SLC9C2: variants seen among roughly 807,000 people sequenced by gnomAD.
The protein encoded by SLC9C2 is solute carrier family 9 member C2 (putative).
A neutral mutation model predicts 140.2 loss-of-function variants in SLC9C2; 75 were observed. The observed-to-expected ratio is 0.53, with a 90% CI of 0.44 to 0.65. The LOEUF (loss-of-function observed/expected upper bound fraction) is 0.65. SLC9C2 is among the 30% of genes least tolerant of loss of function. SLC9C2 has a pLI of 0.00. For synonymous variants in SLC9C2, 375 were observed against 420.9 expected, an observed-to-expected ratio of 0.89 and a Z score of 1.34; for missense variants, 1,074 against 1,331.8, an observed-to-expected ratio of 0.81 and a Z score of 3.01.
intron 13 of SLC9C2, among the ~76,000 whole-genome samples, chr1:173,541,496 G>A (rs1355729238): frequency 6.6e-6 from 1 of 152,190 alleles, no homozygotes; most frequent in Non-Finnish European, 1.5e-5. Context: ...ACTCAGCTCT[G>A]CACCAAGTGG....
chr1:173,535,666 T>C (rs965356325), intron 15 of SLC9C2, among the ~76,000 whole-genome samples, 164 bp downstream of exon 15: 26 of 152,132 alleles, frequency 1.7e-4, no homozygotes, highest in Admixed American at 1.7e-3. Flanking sequence ...GTCAATGAAG[T>C]TGCTAAAATA....
chr1:173,536,093 C>T lies in SLC9C2; in HGVS notation c.1656-144G>A. The T allele has an allele frequency of 7.9e-6, 5 of 635,198 alleles. No individual in the cohort carries two copies. The South Asian group carries it at 8.7e-5, about 11-fold the overall frequency. 39.3% of individuals were successfully genotyped at this position (635,198 alleles called of 1,614,324 possible). On this transcript the variant is annotated intron_variant, in intron 14 of 27. Transcript: ENST00000367714. ...AGTCTCATGCCTCTGCATCCATCCACCTATCCATCCATGGTCATGGTACAG... is the reference window on the plus strand; with the variant it reads ...AGTCTCATGCCTCTGCATCCATCCATCTATCCATCCATGGTCATGGTACAG...
rs764366923 is a variant in SLC9C2, at chr1:173,505,272, T to C, written c.3285A>G (p.Gln1095=). 5.0e-6 allele frequency: 8 copies of C among 1,614,090 alleles called. No individual in the cohort carries two copies. Among genetic ancestry groups the C allele is most frequent in the Non-Finnish European group, 6.8e-6 (8 of 1,179,952 alleles). ...LLIIQASELT[Q]RNSNTNVMAS... The stretch of plus-strand genomic sequence containing the variant: ...CCATGACATTGGTGTTACTATTTCT[T>C]TGGGTAAGCTCAGATGCTTGGATTA... Residue 1095 remains glutamine (Q), a synonymous_variant, in exon 26 of 28, where the codon CAA becomes CAG. Transcript: ENST00000367714.
intron 5 of SLC9C2, among the ~76,000 whole-genome samples, chr1:173,584,644 G>T (rs1665749305): frequency 6.6e-6 from 1 of 152,062 alleles, no homozygotes; most frequent in South Asian, 2.1e-4. Flanking sequence ...GTGCTTTTGT[G>T]TAGTCTTCTT....
intron 9 of SLC9C2, among the ~76,000 whole-genome samples, chr1:173,562,933 T>C (rs1227962167): frequency 1.3e-5 from 2 of 152,088 alleles, no homozygotes; most frequent in Non-Finnish European, 2.9e-5. Flanking sequence ...GTAAGTATTC[T>C]ATAATACTTG....
In SLC9C2 at chr1:173,562,669, G is replaced by T. The variant is rs77212154; in HGVS notation, c.1047-5161C>A. Among the ~76,000 whole-genome samples the T allele has an allele frequency of 5.4e-3, 818 of 152,134 alleles. 6 individuals are homozygous for T. The highest frequency in any genetic ancestry group is 0.017 in the African/African-American group (724 of 41,494). ...TTTAAAATAATTTAACAGCTTCATT[G>T]GTATACAGAAATCTGCACGTATTTA... is the stretch of plus-strand genomic sequence containing the variant. On this transcript the variant is annotated intron_variant, in intron 9 of 27. Coordinates refer to ENST00000367714, the MANE Select transcript of SLC9C2 (RefSeq NM_178527.4).
At chr1:173,527,727 C>G (rs938115328) in intron 18 of SLC9C2, among the ~76,000 whole-genome samples, 6 of 152,164 alleles carry the variant, frequency 3.9e-5, no homozygotes, top group Non-Finnish European at 8.8e-5. Flanking sequence ...ATGTCTGAAA[C>G]TCTGCCCCAA....
intron 22 of SLC9C2, among the ~76,000 whole-genome samples, chr1:173,518,426 C>T (rs1249704278): frequency 1.3e-5 from 2 of 152,170 alleles, no homozygotes; most frequent in African/African-American, 4.8e-5. Flanking sequence ...AATTAATATG[C>T]CTCCAAACCA....
At chr1:173,521,885 CAAAAAAAAAAAAA>C (rs58355008) in intron 21 of SLC9C2, among the ~76,000 whole-genome samples, 1 of 76,948 alleles carries the variant, frequency 1.3e-5, no homozygotes, top group Non-Finnish European at 2.5e-5. Context: ...GGGCGCTATG[CAAAAAAAAAAAAA>C]AAAAAAAAAA....
chr1:173,570,451 C>T (rs1002947612), intron 9 of SLC9C2, among the ~76,000 whole-genome samples: 35 of 152,140 alleles, frequency 2.3e-4, no homozygotes, highest in African/African-American at 8.4e-4. Context: ...CTTCACTCTC[C>T]TCTCCTCAAG....
chr1:173,521,442 A>T (rs779869830), intron 21 of SLC9C2, 43 bp from the exon 22 acceptor site: 34 of 954,474 alleles, frequency 3.6e-5, no homozygotes, highest in Middle Eastern at 2.3e-4. Flanking sequence ...GAGAGTCAAC[A>T]CAAAAGCTTC....
rs747898519 is a variant in SLC9C2 at position 173,583,530 on chromosome 1, T to C, written c.616A>G (p.Arg206Gly). 2 of 1,608,326 alleles carry C rather than the reference T, an allele frequency of 1.2e-6. No individual in the cohort carries two copies. Among genetic ancestry groups the C allele is most frequent in the Non-Finnish European group, 8.5e-7 (1 of 1,176,282 alleles). The change falls in exon 6 of 28, where the codon AGA becomes GGA. Residue 206 changes from arginine to glycine, a missense_variant. Transcript: ENST00000367714. Reference sequence around the variant, plus strand: ...CCTCTAAAAATAGAAAAGTGGATTCTGTTGCCCCGAAAATTTCCAAAAAAA... The same window carrying C: ...CCTCTAAAAATAGAAAAGTGGATTCCGTTGCCCCGAAAATTTCCAAAAAAA... ...SIFFGNFRGN[R>G]IHFSIFRDLH...
intron 11 of SLC9C2, among the ~76,000 whole-genome samples, chr1:173,551,964 GA>G (rs567695302): frequency 1.3e-4 from 20 of 151,114 alleles, no homozygotes; most frequent in Admixed American, 7.2e-4. Context: ...GTTGTGAGTG[GA>G]AAAAAAAATC....
intron 23 of SLC9C2, among the ~76,000 whole-genome samples, chr1:173,510,391 T>A (rs1325219076): frequency 6.6e-6 from 1 of 152,192 alleles, no homozygotes; most frequent in Non-Finnish European, 1.5e-5. Flanking sequence ...TAGGTCTACG[T>A]GTGCCATGGT....
intron 4 of SLC9C2, among the ~76,000 whole-genome samples, chr1:173,596,983 T>G (rs1432536425): frequency 2.0e-5 from 3 of 152,024 alleles, no homozygotes; most frequent in Non-Finnish European, 4.4e-5. Flanking sequence ...ACAGTGATAG[T>G]GGAAACTTGT....
chr1:173,581,665 T>G (rs901386044), intron 7 of SLC9C2, among the ~76,000 whole-genome samples, 182 bp downstream of exon 7: 1 of 138,788 alleles, frequency 7.2e-6, no homozygotes, highest in Non-Finnish European at 1.6e-5. Flanking sequence ...GGACATGGAG[T>G]TGAAATAAAA....
intron 8 of SLC9C2, 33 bp downstream of exon 8, chr1:173,576,628 G>A: frequency 7.2e-7 from 1 of 1,392,938 alleles, no homozygotes; most frequent in Non-Finnish European, 1.0e-6. Context: ...AAACTGCTAT[G>A]AGATCCATCG....
intron 9 of SLC9C2, among the ~76,000 whole-genome samples, chr1:173,559,332 T>A (rs887930966): frequency 3.3e-5 from 5 of 152,238 alleles, no homozygotes; most frequent in Non-Finnish European, 7.3e-5. Flanking sequence ...GAAATTCACA[T>A]AACTCATGGC....
At chr1:173,544,592 G>A (rs566811282) in intron 13 of SLC9C2, among the ~76,000 whole-genome samples, 1 of 152,254 alleles carries the variant, frequency 6.6e-6, no homozygotes, top group African/African-American at 2.4e-5. Flanking sequence ...CAATAGCAAA[G>A]ACTTGGAACC....
Sources: gnomAD v4.1 joint callset for allele counts (sites outside exome capture counted in the v4.1 genomes callset) on GRCh38, gnomAD v4.1.1 for gene constraint, MANE v1.5 for transcripts, NCBI Gene and HGNC (gene_info 2026-07-23, HGNC 2026-07-21) for gene names.